CCM2L: variants seen among roughly 807,000 people sequenced by gnomAD.
CCM2L encodes cerebral cavernous malformations 2 protein-like.
In CCM2L, 36 loss-of-function variants were observed where a neutral mutation model predicts 54.1. The observed-to-expected ratio is 0.67, with a 90% confidence interval of 0.51 to 0.88. The LOEUF (loss-of-function observed/expected upper bound fraction) is 0.88. Among genes scored for constraint, CCM2L ranks in the 40% least tolerant of loss-of-function variants. CCM2L has a pLI of 0.00. For missense variants in CCM2L, 700 were observed against 812.1 expected, an observed-to-expected ratio of 0.86 and a Z score of 1.68; for synonymous variants, 351 against 359.3, an observed-to-expected ratio of 0.98 and a Z score of 0.26.
chr20:32,018,173 AGGGGGCGGGGGC>A lies in CCM2L; in HGVS notation c.466+17_466+28del. The A allele has an allele frequency of 4.4e-6, 4 of 917,184 alleles. No individual in the cohort carries two copies. Among genetic ancestry groups the A allele is most frequent in the Non-Finnish European group, 5.3e-6 (4 of 755,906 alleles). The allele number at this position is 917,184 out of a possible 1,614,324, so 56.8% of individuals were successfully genotyped here. A position where few individuals can be genotyped will look rare whatever the true frequency, so the allele number is the denominator to read the frequency against. ...TAGTGCTCAAGACCGGTGCGGCGGG[AGGGGGCGGGGGC>A]GGGGGAGGGGCGGGGGCGGGGGCGG... On this transcript the variant is annotated intron_variant, in intron 4 of 9. Coordinates refer to ENST00000452892, the MANE Select transcript of CCM2L (RefSeq NM_001365692.1).
At chr20:32,010,544 GCA>G in intron 1 of CCM2L, 60 bp downstream of exon 1, 1 of 354,472 alleles carries the variant, frequency 2.8e-6, no homozygotes, top group Admixed American at 4.3e-5. Flanking sequence ...GGGGAAGGGG[GCA>G]AACTGGGGCG....
intron 5 of CCM2L, among the ~76,000 whole-genome samples, chr20:32,020,455 AT>A (rs1280433295): frequency 6.6e-6 from 1 of 152,032 alleles, no homozygotes; most frequent in Non-Finnish European, 1.5e-5. Flanking sequence ...TCTATCCTTC[AT>A]CTACCCATTT....
At chr20:32,013,846 G>A (rs944184842) in intron 1 of CCM2L, among the ~76,000 whole-genome samples, 3 of 152,208 alleles carry the variant, frequency 2.0e-5, no homozygotes, top group Non-Finnish European at 4.4e-5. Context: ...TGGTGGGCTT[G>A]TTAAGCCCTA....
In CCM2L at chr20:32,014,922, C is replaced by T. The variant is rs771942594; in HGVS notation, c.49C>T (p.Arg17Ter). 1.5e-5 allele frequency: 24 copies of T among 1,600,026 alleles called. No homozygotes were observed. The Admixed American group carries it at 1.7e-4, about 11-fold the overall frequency. The stretch of plus-strand genomic sequence containing the variant: ...TCCCCAGGGCTTTGTATCCCCCATC[C>T]GAAGGCTGGTGTTCCCCAAGGCCGG... ...KGKKGFVSPI[R>*]RLVFPKAGRR... Residue 17 changes from arginine to a stop codon, truncating the protein, a stop_gained, in exon 2 of 10, where the codon CGA becomes TGA. Transcript: ENST00000452892. LOFTEE classifies it high-confidence loss of function.
intron 7 of CCM2L, among the ~76,000 whole-genome samples, chr20:32,026,146 G>T (rs554278672): frequency 6.6e-6 from 1 of 152,290 alleles, no homozygotes; most frequent in Non-Finnish European, 1.5e-5. Context: ...ACAGTCCTGT[G>T]GTTCTCTCCC....
intron 6 of CCM2L, among the ~76,000 whole-genome samples, chr20:32,025,056 CTTCTTTCTTTCTTTCT>C (rs75583214): frequency 6.6e-6 from 1 of 150,828 alleles, no homozygotes; most frequent in Non-Finnish European, 1.5e-5. Flanking sequence ...TCTCTTTCTT[CTTCTTTCTTTCTTTCT>C]TTCTTTCTTT....
chr20:32,020,191 T>C (rs1006061030), intron 5 of CCM2L, among the ~76,000 whole-genome samples: 4 of 152,212 alleles, frequency 2.6e-5, no homozygotes, highest in African/African-American at 9.7e-5. Context: ...GCTTTTCCTC[T>C]GATCTTGGAC....
In CCM2L at chr20:32,030,564, G is replaced by A. The variant is rs149044129; in HGVS notation, c.1403-437G>A. 5.0e-4 allele frequency among the ~76,000 whole-genome samples: 76 copies of A among 152,092 alleles called. No homozygotes were observed. The East Asian group carries it at 0.011, about 21-fold the overall frequency. On this transcript the variant is annotated intron_variant, in intron 9 of 9. Coordinates refer to ENST00000452892, the MANE Select transcript of CCM2L (RefSeq NM_001365692.1). ...TAATAATAACAAAAATAGGCCTGGC[G>A]AGGTGGCTCACACCTGTAATCCCAG...
chr20:32,015,861 T>TTTTTTTTTTTTTTC, intron 2 of CCM2L, among the ~76,000 whole-genome samples: 1 of 144,934 alleles, frequency 6.9e-6, no homozygotes, highest in African/African-American at 2.6e-5. Flanking sequence ...CTGTACTTCT[T>TTTTTTTTTTTTTTC]TTTTTTTTTT....
In CCM2L at chr20:32,031,377, G is replaced by T. The variant is rs960046952; in HGVS notation, c.*63G>T. 2.5e-6 allele frequency: 3 copies of T among 1,201,610 alleles called. No individual in the cohort carries two copies. The highest frequency in any genetic ancestry group is 3.2e-6 in the Non-Finnish European group (3 of 944,902). The allele number at this position is 1,201,610 out of a possible 1,614,324, so 74.4% of individuals were successfully genotyped here. On this transcript the variant is annotated 3_prime_UTR_variant, in exon 10 of 10. Transcript: ENST00000452892. ...CTCTGAGTCTCAGCTTTGCTTCGGG[G>T]ACCCTATCCCCAGGGCCCCCCCATC...
At position 32,031,465 on chromosome 20, in the gene CCM2L, G is replaced by C. The variant is rs780908831; in HGVS notation, c.*151G>C. Reference sequence around the variant, plus strand: ...TCGCTCCCTGCCCTTGGGGCCCGGGGCCATGCAGTACCTGGAGTGTCCTGC... The same window carrying C: ...TCGCTCCCTGCCCTTGGGGCCCGGGCCCATGCAGTACCTGGAGTGTCCTGC... On this transcript the variant is annotated 3_prime_UTR_variant, in exon 10 of 10. Transcript: ENST00000452892. 1.8e-6 allele frequency: 1 copy of C among 545,950 alleles called. No individual in the cohort carries two copies. The highest frequency in any genetic ancestry group is 2.8e-6 in the Non-Finnish European group (1 of 358,292). 33.8% of individuals were successfully genotyped at this position (545,950 alleles called of 1,614,324 possible). A position where few individuals can be genotyped will look rare whatever the true frequency, so the allele number is the denominator to read the frequency against.
intron 2 of CCM2L, among the ~76,000 whole-genome samples, chr20:32,017,371 G>A (rs1196786258): frequency 6.6e-6 from 1 of 152,166 alleles, no homozygotes; most frequent in Non-Finnish European, 1.5e-5. Flanking sequence ...GAGCCACTCA[G>A]GCCAGAGGAA....
In CCM2L at chr20:32,027,033, TAAAC is replaced by T. The variant is rs1288266038; in HGVS notation, c.1133+1118_1133+1121del. 1.7e-3 allele frequency among the ~76,000 whole-genome samples: 258 copies of T among 152,146 alleles called. 7 individuals carry two copies. The highest frequency in any genetic ancestry group is 0.015 in the Admixed American group (224 of 15,280). Reference sequence around the variant, plus strand: ...CCCTGTCTCTATTGAAATAAATAAATAAACAAATAAATAAATAAAATTTTAAACA... The same window carrying T: ...CCCTGTCTCTATTGAAATAAATAAATAAATAAATAAATAAAATTTTAAACA... On this transcript the variant is annotated intron_variant, in intron 7 of 9. Coordinates refer to ENST00000452892, the MANE Select transcript of CCM2L (RefSeq NM_001365692.1).
At chr20:32,015,204 T>C in intron 2 of CCM2L, 133 bp downstream of exon 2, 2 of 878,838 alleles carry the variant, frequency 2.3e-6, no homozygotes, top group Non-Finnish European at 3.2e-6. Context: ...CCTGGGTTCA[T>C]GTCAGCCTTG....
At position 32,019,267 on chromosome 20, in the gene CCM2L, G is replaced by A; in HGVS notation, c.791G>A (p.Gly264Asp). 1 of 1,224,146 alleles carries A rather than the reference G, an allele frequency of 8.2e-7. No homozygotes were observed. The highest frequency in any genetic ancestry group is 1.0e-6 in the Non-Finnish European group (1 of 979,342). 75.8% of individuals were successfully genotyped at this position (1,224,146 alleles called of 1,614,324 possible). ...GGGGGGAGKP[G>D]GSWERRQAGS... ...GGCGGCGGCGGCGCGGGAAAGCCGG[G>A]CGGTAGCTGGGAGCGGAGGCAGGCG... The change falls in exon 5 of 10, where the codon GGC (glycine) becomes GAC (aspartate). Residue 264 changes from glycine (G) to aspartate (D), a missense_variant. Gly to Asp is a moderately conservative substitution (Grantham distance 94). Coordinates refer to ENST00000452892, the MANE Select transcript of CCM2L (RefSeq NM_001365692.1).
rs763253539 is a variant in CCM2L, at chr20:32,029,016, T to C, written c.1155T>C (p.Phe385=). ...GCAGTAATGGCTCCCAGGACACCTT[T>C]GAAGCATGTTACAGCGGCACGTCCA... ...CSSFNGSQDT[F]EACYSGTSTP... The change falls in exon 8 of 10, where the codon TTT becomes TTC. Residue 385 remains phenylalanine, a synonymous_variant. Coordinates refer to ENST00000452892, the MANE Select transcript of CCM2L (RefSeq NM_001365692.1). 1 of 1,614,146 alleles carries C rather than the reference T, an allele frequency of 6.2e-7. No homozygotes were observed. The highest frequency in any genetic ancestry group is 1.1e-5 in the South Asian group (1 of 91,086).
intron 5 of CCM2L, among the ~76,000 whole-genome samples, chr20:32,020,934 C>T (rs548116001): frequency 2.0e-5 from 3 of 152,138 alleles, no homozygotes; most frequent in African/African-American, 4.8e-5. Flanking sequence ...CCACTGCACT[C>T]CAGCCTGAGC....
At position 32,029,819 on chromosome 20, in the gene CCM2L, G is replaced by A; in HGVS notation, c.1383G>A (p.Arg461=). ...CTGLLKLYGD[R]RKFLLLGMRP... ...GCCTGCTGAAGCTCTACGGAGACCGGCGCAAGTTCCTCCTCCTTGGTGAGC... is the reference window on the plus strand; with the variant it reads ...GCCTGCTGAAGCTCTACGGAGACCGACGCAAGTTCCTCCTCCTTGGTGAGC... Residue 461 remains arginine (R), a synonymous_variant, in exon 9 of 10, where the codon CGG becomes CGA. Coordinates refer to ENST00000452892, the MANE Select transcript of CCM2L (RefSeq NM_001365692.1). 1.9e-6 allele frequency: 3 copies of A among 1,606,034 alleles called. No homozygotes were observed. Among genetic ancestry groups the A allele is most frequent in the Non-Finnish European group, 2.6e-6 (3 of 1,175,040 alleles).
At position 32,017,883 on chromosome 20, in the gene CCM2L, G is replaced by A. The variant is rs1270364099; in HGVS notation, c.282G>A (p.Arg94=). The change falls in exon 3 of 10, where the codon AGG becomes AGA. Residue 94 remains arginine, a splice_region_variant and synonymous_variant. Coordinates refer to ENST00000452892, the MANE Select transcript of CCM2L (RefSeq NM_001365692.1). ...TCCTGCAGCTGCTAGACACCGCCAG[G>A]GTGAGACTCTGGGGAGGGAGGAGGG... The part of the protein sequence containing the change: ...DELLQLLDTA[R]QLKELPLKTT... 3 of 1,613,704 alleles carry A rather than the reference G, an allele frequency of 1.9e-6. No individual in the cohort carries two copies. The highest frequency in any genetic ancestry group is 2.5e-6 in the Non-Finnish European group (3 of 1,179,942).
Sources: allele counts gnomAD v4.1 joint callset (sites outside exome capture counted in the v4.1 genomes callset), GRCh38; gene constraint gnomAD v4.1.1; transcripts MANE v1.5; gene names NCBI Gene and HGNC (gene_info 2026-07-23, HGNC 2026-07-21).